DPP10: variants seen among roughly 807,000 people sequenced by gnomAD.
DPP10 encodes the protein inactive dipeptidyl peptidase 10.
DPP10 carries 33 observed loss-of-function variants against 120.9 expected under a neutral mutation model. The ratio of observed to expected loss-of-function variants is 0.27; its 90% CI spans 0.21 to 0.37. DPP10 has a LOEUF of 0.37. Among genes scored for constraint, DPP10 ranks in the 10% least tolerant of loss-of-function variants. DPP10 has a pLI of 1.00. For missense variants in DPP10, 816 were observed against 942.8 expected, an observed-to-expected ratio of 0.87 and a Z score of 1.76; for synonymous variants, 337 against 326.1, an observed-to-expected ratio of 1.03 and a Z score of -0.36.
chr2:115,255,728 C>A (rs1447667623), intron 1 of DPP10, among the ~76,000 whole-genome samples: 1 of 152,200 alleles, frequency 6.6e-6, no homozygotes, highest in African/African-American at 2.4e-5. Context: ...TTAAGTATAA[C>A]AAGTGTCACC....
rs115799458 is a variant in DPP10 at position 114,916,601 on chromosome 2, C to A, written c.61-392638C>A. ...CAAAATACAAGAAAATCAACTGGAG[C>A]AGCACATCAAAAAGCTAGTCCACCA... On this transcript the variant is annotated intron_variant, in intron 1 of 25. Transcript: ENST00000410059. 1.2e-3 allele frequency among the ~76,000 whole-genome samples: 176 copies of A among 152,278 alleles called. 3 individuals carry two copies. Among genetic ancestry groups the A allele is most frequent in the Middle Eastern group, 0.01 (3 of 294 alleles).
intron 1 of DPP10, among the ~76,000 whole-genome samples, chr2:114,584,779 G>A (rs1690816075): frequency 6.6e-6 from 1 of 152,004 alleles, no homozygotes; most frequent in African/African-American, 2.4e-5. Context: ...TTTATTGTTA[G>A]ATATTAAGAA....
intron 2 of DPP10, among the ~76,000 whole-genome samples, chr2:115,322,081 A>G (rs2062090346): frequency 6.6e-6 from 1 of 152,072 alleles, no homozygotes; most frequent in Non-Finnish European, 1.5e-5. Flanking sequence ...AATGGACTTC[A>G]CTTTCTTATT....
chr2:114,607,234 G>A (rs1200129851), intron 1 of DPP10, among the ~76,000 whole-genome samples: 2 of 152,112 alleles, frequency 1.3e-5, no homozygotes, highest in African/African-American at 4.8e-5. Context: ...TCTCCATGCT[G>A]GAAACAGAAG....
intron 7 of DPP10, among the ~76,000 whole-genome samples, chr2:115,724,896 G>A (rs2092729378): frequency 6.6e-6 from 1 of 152,060 alleles, no homozygotes; most frequent in Non-Finnish European, 1.5e-5. Context: ...AGAGTGGGGT[G>A]GTGGGATGCC....
At chr2:115,117,816 G>C (rs1184872542) in intron 1 of DPP10, among the ~76,000 whole-genome samples, 2 of 152,076 alleles carry the variant, frequency 1.3e-5, no homozygotes, top group Non-Finnish European at 2.9e-5. Context: ...GGTCGGGGAG[G>C]GGAGGAAATA....
chr2:114,696,455 G>A (rs916170411), intron 1 of DPP10, among the ~76,000 whole-genome samples: 15 of 152,022 alleles, frequency 9.9e-5, no homozygotes, highest in South Asian at 4.2e-4. Context: ...CCTTCCATCC[G>A]TAAAGACAAT....
intron 2 of DPP10, among the ~76,000 whole-genome samples, chr2:115,321,515 G>GTTTTTTTTTTTTTTTTTTTTGTTT (rs35046366): frequency 8.2e-6 from 1 of 121,590 alleles, no homozygotes. Context: ...TTTTTTTAGT[G>GTTTTTTTTTTTTTTTTTTTTGTTT]TTTTTTTTTT....
chr2:114,746,579 C>A (rs1678595815), intron 1 of DPP10, among the ~76,000 whole-genome samples: 6 of 152,168 alleles, frequency 3.9e-5, no homozygotes, highest in Admixed American at 3.9e-4. Context: ...GAAGTCTGGA[C>A]TTGATGTCTC....
At chr2:114,989,525 C>CTG (rs1700631206) in intron 1 of DPP10, among the ~76,000 whole-genome samples, 1 of 152,124 alleles carries the variant, frequency 6.6e-6, no homozygotes, top group African/African-American at 2.4e-5. Context: ...TCTTGATATC[C>CTG]TGTGTTAATA....
At chr2:115,315,288 C>G (rs1347927168) in intron 2 of DPP10, among the ~76,000 whole-genome samples, 1 of 151,886 alleles carries the variant, frequency 6.6e-6, no homozygotes, top group Non-Finnish European at 1.5e-5. Context: ...CACACACACA[C>G]ACACACATAC....
chr2:115,804,906 T>C (rs569545519), intron 19 of DPP10, among the ~76,000 whole-genome samples: 4 of 152,340 alleles, frequency 2.6e-5, no homozygotes, highest in Admixed American at 6.5e-5. Flanking sequence ...GCAGTCTGCC[T>C]GTTCTCAGAT....
intron 1 of DPP10, among the ~76,000 whole-genome samples, chr2:115,120,271 A>C (rs977095362): frequency 3.3e-5 from 5 of 152,170 alleles, no homozygotes; most frequent in African/African-American, 1.2e-4. Flanking sequence ...AGGGGGGTTA[A>C]TTGGATAGAC....
intron 5 of DPP10, among the ~76,000 whole-genome samples, chr2:115,546,368 T>C (rs2079501721): frequency 6.6e-6 from 1 of 152,192 alleles, no homozygotes. Flanking sequence ...ATGCATATTC[T>C]GCAGTTGTAT....
At chr2:114,933,794 ACAGAATTTCTGATT>A (rs1399927142) in intron 1 of DPP10, among the ~76,000 whole-genome samples, 2 of 152,148 alleles carry the variant, frequency 1.3e-5, no homozygotes, top group Non-Finnish European at 2.9e-5. Context: ...GGCCCTACCC[ACAGAATTTCTGATT>A]CAGTAGATCC....
chr2:115,024,310 T>C (rs933679618), intron 1 of DPP10, among the ~76,000 whole-genome samples: 2 of 152,102 alleles, frequency 1.3e-5, no homozygotes, highest in Non-Finnish European at 2.9e-5. Context: ...TTCTATGTAA[T>C]GTGAATATTG....
At position 114,593,297 on chromosome 2, in the gene DPP10, C is replaced by T. The variant is rs531135735; in HGVS notation, c.60+150459C>T. On this transcript the variant is annotated intron_variant, in intron 1 of 25. Coordinates refer to ENST00000410059, the MANE Select transcript of DPP10 (RefSeq NM_020868.6). Reference sequence around the variant, plus strand: ...CTCTACCAATGGAACAGCAGAGCCACGCAATTAATAGACTGGGCTTGGAAG... The same window carrying T: ...CTCTACCAATGGAACAGCAGAGCCATGCAATTAATAGACTGGGCTTGGAAG... Among the ~76,000 whole-genome samples, 5 of 152,228 alleles carry T rather than the reference C, an allele frequency of 3.3e-5. No individual in the cohort carries two copies. The South Asian group carries it at 6.2e-4, about 19-fold the overall frequency.
At chr2:115,599,509 C>T (rs1164978069) in intron 5 of DPP10, among the ~76,000 whole-genome samples, 1 of 152,076 alleles carries the variant, frequency 6.6e-6, no homozygotes, top group Non-Finnish European at 1.5e-5. Context: ...TCAGTTCTAA[C>T]ATTTCACTTT....
At chr2:115,694,392 G>A (rs1008984078) in intron 7 of DPP10, among the ~76,000 whole-genome samples, 6 of 152,098 alleles carry the variant, frequency 3.9e-5, no homozygotes, top group Non-Finnish European at 8.8e-5. Flanking sequence ...TTATAGAAGA[G>A]AGGCAAGGGA....
Sources: allele counts gnomAD v4.1 joint callset (sites outside exome capture counted in the v4.1 genomes callset), GRCh38; gene constraint gnomAD v4.1.1; transcripts MANE v1.5; gene names NCBI Gene and HGNC (gene_info 2026-07-23, HGNC 2026-07-21).